The following TMEM117 variants were observed in gnomAD, a reference collection of about 807,000 sequenced individuals.
TMEM117 encodes transmembrane protein 117.
In TMEM117, 27 loss-of-function variants were observed where a neutral mutation model predicts 52.4. The ratio of observed to expected loss-of-function variants is 0.51; its 90% CI spans 0.38 to 0.71. The LOEUF (loss-of-function observed/expected upper bound fraction) is 0.71, where lower values mean the gene tolerates loss of function less well. Ranked by LOEUF, TMEM117 falls within the 30% of genes least tolerant of loss-of-function variation. TMEM117 has a pLI of 0.00. For synonymous variants in TMEM117, 215 were observed against 206.3 expected (o/e 1.04, Z -0.36); for missense variants, 556 against 630.5 (o/e 0.88, Z 1.26).
At chr12:44,284,017 G>T (rs1950608572) in intron 5 of TMEM117, among the ~76,000 whole-genome samples, 2 of 152,094 alleles carry the variant, frequency 1.3e-5, no homozygotes, top group Non-Finnish European at 2.9e-5. Context: ...CTGGGGCCAT[G>T]TAAGAAGTGC....
At chr12:43,997,552 C>CAG (rs1946051225) in intron 3 of TMEM117, among the ~76,000 whole-genome samples, 1 of 152,128 alleles carries the variant, frequency 6.6e-6, no homozygotes, top group Admixed American at 6.5e-5. Flanking sequence ...TTGCATCCTC[C>CAG]AATTCTATTC....
intron 3 of TMEM117, among the ~76,000 whole-genome samples, chr12:44,023,819 G>C (rs867702006): frequency 7.6e-6 from 1 of 131,076 alleles, no homozygotes; most frequent in Non-Finnish European, 1.6e-5. Context: ...GTTGTGGGGT[G>C]GGGGGAGGGG....
intron 3 of TMEM117, among the ~76,000 whole-genome samples, chr12:43,946,378 GTTTT>G (rs1244597058): frequency 8.8e-6 from 1 of 113,494 alleles, no homozygotes; most frequent in Non-Finnish European, 1.7e-5. Flanking sequence ...ATATAATTCT[GTTTT>G]TTTTTTTTTT....
chr12:44,375,238 G>A (rs1218978306), intron 6 of TMEM117, among the ~76,000 whole-genome samples: 12 of 152,062 alleles, frequency 7.9e-5, no homozygotes. Flanking sequence ...TAGTGCGTTG[G>A]GTTTTATGAA....
At chr12:44,183,010 T>A (rs1213037027) in intron 4 of TMEM117, among the ~76,000 whole-genome samples, 2 of 152,290 alleles carry the variant, frequency 1.3e-5, no homozygotes, top group East Asian at 3.9e-4. Context: ...ATTATAATCA[T>A]TTATAAGCAG....
chr12:44,043,933 C>T (rs1350684340), intron 3 of TMEM117, among the ~76,000 whole-genome samples: 1 of 152,110 alleles, frequency 6.6e-6, no homozygotes, highest in African/African-American at 2.4e-5. Context: ...TTTAGTGTTG[C>T]AGCTCAGGGA....
intron 5 of TMEM117, among the ~76,000 whole-genome samples, chr12:44,251,579 CT>C (rs1950197457): frequency 6.6e-6 from 1 of 152,144 alleles, no homozygotes; most frequent in Non-Finnish European, 1.5e-5. Flanking sequence ...CAGCTCATTA[CT>C]TTATATGTAA....
intron 3 of TMEM117, among the ~76,000 whole-genome samples, chr12:44,105,276 A>C (rs1305632738): frequency 6.6e-6 from 1 of 151,948 alleles, no homozygotes; most frequent in Non-Finnish European, 1.5e-5. Flanking sequence ...CATCACAGGC[A>C]GTCTTCATTT....
intron 3 of TMEM117, among the ~76,000 whole-genome samples, chr12:44,055,854 TTTA>T (rs1485814211): frequency 2.0e-5 from 3 of 152,118 alleles, no homozygotes; most frequent in Admixed American, 6.5e-5. Context: ...TCTTTAACAT[TTTA>T]TTATTAAAAG....
chr12:43,927,063 C>CT (rs1331647753), intron 2 of TMEM117, among the ~76,000 whole-genome samples: 1 of 151,864 alleles, frequency 6.6e-6, no homozygotes, highest in Non-Finnish European at 1.5e-5. Context: ...ACTAAGTTTC[C>CT]TATTTTCAAC....
intron 5 of TMEM117, among the ~76,000 whole-genome samples, chr12:44,274,477 A>G (rs187378344): frequency 8.5e-5 from 13 of 152,316 alleles, no homozygotes; most frequent in African/African-American, 2.9e-4. Flanking sequence ...TGTAACAACA[A>G]GAGACCCAGA....
intron 2 of TMEM117, among the ~76,000 whole-genome samples, chr12:43,897,140 A>G (rs1489659855): frequency 6.6e-6 from 1 of 152,170 alleles, no homozygotes; most frequent in Non-Finnish European, 1.5e-5. Context: ...TGAATAAAAC[A>G]TTGCCACATT....
At chr12:43,839,401 G>A (rs958334193) in intron 1 of TMEM117, among the ~76,000 whole-genome samples, 8 of 152,006 alleles carry the variant, frequency 5.3e-5, no homozygotes, top group South Asian at 2.1e-4. Flanking sequence ...CCCTGCACCT[G>A]CTCCCCATCC....
At chr12:44,239,015 C>T (rs1950031212) in intron 5 of TMEM117, among the ~76,000 whole-genome samples, 1 of 152,056 alleles carries the variant, frequency 6.6e-6, no homozygotes, top group South Asian at 2.1e-4. Flanking sequence ...AGCTTATTGT[C>T]AGAAATATCT....
intron 3 of TMEM117, among the ~76,000 whole-genome samples, chr12:43,971,369 TTTACTACTCTAAGTA>T (rs1592404370): frequency 6.6e-6 from 1 of 152,216 alleles, no homozygotes; most frequent in East Asian, 1.9e-4. Context: ...TCCCGTGACT[TTTACTACTCTAAGTA>T]ACGGCCCCAG....
chr12:43,850,621 C>T (rs569134067), intron 2 of TMEM117, among the ~76,000 whole-genome samples: 2 of 152,156 alleles, frequency 1.3e-5, no homozygotes, highest in Non-Finnish European at 2.9e-5. Flanking sequence ...TTCTCTGACT[C>T]CCTCCCGTAA....
chr12:43,856,458 G>A (rs1412715748), intron 2 of TMEM117, among the ~76,000 whole-genome samples: 2 of 152,070 alleles, frequency 1.3e-5, no homozygotes, highest in Non-Finnish European at 2.9e-5. Flanking sequence ...GTGACCTTCT[G>A]GCATAAGGAA....
At chr12:44,071,200 G>T (rs1947296422) in intron 3 of TMEM117, among the ~76,000 whole-genome samples, 1 of 152,176 alleles carries the variant, frequency 6.6e-6, no homozygotes, top group Non-Finnish European at 1.5e-5. Flanking sequence ...AGCTCTGGGA[G>T]CAGAACAGCC....
intron 5 of TMEM117, among the ~76,000 whole-genome samples, chr12:44,288,731 G>A (rs1250634163): frequency 1.3e-5 from 2 of 151,946 alleles, no homozygotes; most frequent in Non-Finnish European, 2.9e-5. Context: ...CAGCTTTATT[G>A]GGGTATAATT....
Sources: allele counts gnomAD v4.1 joint callset (sites outside exome capture counted in the v4.1 genomes callset), GRCh38; gene constraint gnomAD v4.1.1; transcripts MANE v1.5; gene names NCBI Gene and HGNC (gene_info 2026-07-23, HGNC 2026-07-21).